The following EEPD1 variants were observed in gnomAD, a reference collection of about 807,000 sequenced individuals.
EEPD1 encodes endonuclease/exonuclease/phosphatase family domain containing 1, also known as endonuclease/exonuclease/phosphatase family domain-containing protein 1.
In EEPD1, 17 loss-of-function variants were observed where a neutral mutation model predicts 46.3. The ratio of observed to expected loss-of-function variants is 0.37; its 90% confidence interval spans 0.25 to 0.55. The LOEUF (loss-of-function observed/expected upper bound fraction) is 0.55, where lower values mean the gene tolerates loss of function less well. EEPD1 is among the 20% of genes least tolerant of loss of function. The probability of loss-of-function intolerance (pLI) is 0.83; values close to 1 mark genes in which losing one functional copy is unlikely to be tolerated. For synonymous variants in EEPD1, 313 were observed against 315.6 expected, an observed-to-expected ratio of 0.99 and a Z score of 0.09; for missense variants, 673 against 745.6, an observed-to-expected ratio of 0.90 and a Z score of 1.13.
At chr7:36,283,067 C>T (rs928439344) in intron 4 of EEPD1, among the ~76,000 whole-genome samples, 1 of 152,220 alleles carries the variant, frequency 6.6e-6, no homozygotes, top group Non-Finnish European at 1.5e-5. Context: ...ACACGATAGC[C>T]AGAGGGGTGG....
intron 3 of EEPD1, among the ~76,000 whole-genome samples, chr7:36,270,635 C>CT (rs1411320709): frequency 2.6e-5 from 4 of 152,224 alleles, no homozygotes; most frequent in Admixed American, 2.0e-4. Context: ...AGGACATGAA[C>CT]TCATCCTTTT....
chr7:36,245,883 G>A (rs1345346193), intron 3 of EEPD1, among the ~76,000 whole-genome samples: 1 of 152,216 alleles, frequency 6.6e-6, no homozygotes, highest in Non-Finnish European at 1.5e-5. Context: ...TTTGCTCTGA[G>A]AGTGGGACAC....
intron 3 of EEPD1, among the ~76,000 whole-genome samples, chr7:36,242,662 C>T (rs1786572557): frequency 6.6e-6 from 1 of 151,868 alleles, no homozygotes; most frequent in African/African-American, 2.4e-5. Context: ...GTGGCTTACA[C>T]CTGTAATCTC....
chr7:36,178,444 C>T (rs529692940), intron 2 of EEPD1, among the ~76,000 whole-genome samples: 1 of 152,354 alleles, frequency 6.6e-6, no homozygotes, highest in South Asian at 2.1e-4. Flanking sequence ...CACCTGGGCC[C>T]CTTCTTGGTC....
chr7:36,252,346 C>G (rs1786761700), intron 3 of EEPD1, among the ~76,000 whole-genome samples: 1 of 152,096 alleles, frequency 6.6e-6, no homozygotes, highest in African/African-American at 2.4e-5. Context: ...ATGCCCCGCC[C>G]CCCTCCATGT....
At chr7:36,270,074 C>T (rs1787080683) in intron 3 of EEPD1, among the ~76,000 whole-genome samples, 1 of 151,972 alleles carries the variant, frequency 6.6e-6, no homozygotes, top group Admixed American at 6.6e-5. Flanking sequence ...TAACATGGCA[C>T]AGTATAAGTG....
chr7:36,181,264 C>A (rs181106239), intron 2 of EEPD1, among the ~76,000 whole-genome samples: 1 of 152,042 alleles, frequency 6.6e-6, no homozygotes, highest in Admixed American at 6.5e-5. Flanking sequence ...TTTCCCCTCA[C>A]GTGCCTCTGT....
At chr7:36,168,741 G>C (rs1258395370) in intron 2 of EEPD1, among the ~76,000 whole-genome samples, 1 of 143,758 alleles carries the variant, frequency 7.0e-6, no homozygotes, top group Non-Finnish European at 1.5e-5. Context: ...CTGGGCGACA[G>C]AGCAAGACTC....
chr7:36,290,181 C>T (rs1374302916), intron 6 of EEPD1, among the ~76,000 whole-genome samples: 1 of 152,164 alleles, frequency 6.6e-6, no homozygotes, highest in Non-Finnish European at 1.5e-5. Context: ...AAGATGCCAG[C>T]TCATAACTTC....
chr7:36,177,599 A>G (rs1366157082), intron 2 of EEPD1, among the ~76,000 whole-genome samples: 1 of 151,948 alleles, frequency 6.6e-6, no homozygotes, highest in Non-Finnish European at 1.5e-5. Flanking sequence ...ACATGATTTC[A>G]TTTTTTTTAT....
chr7:36,219,679 A>G (rs941856883), intron 2 of EEPD1, among the ~76,000 whole-genome samples: 7 of 150,350 alleles, frequency 4.7e-5, no homozygotes, highest in African/African-American at 1.7e-4. Context: ...GAAGGAAAGA[A>G]GGAAAGAAGA....
intron 2 of EEPD1, among the ~76,000 whole-genome samples, chr7:36,184,658 G>T (rs1050180973): frequency 6.6e-6 from 1 of 152,130 alleles, no homozygotes; most frequent in Admixed American, 6.5e-5. Context: ...CCCCTTTTAA[G>T]AAAGCATCTT....
chr7:36,282,400 A>G (rs1252040326), intron 4 of EEPD1, among the ~76,000 whole-genome samples: 2 of 152,216 alleles, frequency 1.3e-5, no homozygotes, highest in African/African-American at 4.8e-5. Context: ...CCATGCCTGC[A>G]TGTTTTCACT....
At chr7:36,253,586 C>T (rs1786781349) in intron 3 of EEPD1, among the ~76,000 whole-genome samples, 1 of 152,018 alleles carries the variant, frequency 6.6e-6, no homozygotes, top group Non-Finnish European at 1.5e-5. Flanking sequence ...TACTTGAATT[C>T]TCTCAGTTTT....
intron 7 of EEPD1, among the ~76,000 whole-genome samples, chr7:36,298,059 C>G (rs1368583345): frequency 6.6e-6 from 1 of 152,184 alleles, no homozygotes. Context: ...CCTGCTTCTC[C>G]CCTCTCTCTT....
At chr7:36,181,977 C>T (rs1470483644) in intron 2 of EEPD1, among the ~76,000 whole-genome samples, 1 of 152,144 alleles carries the variant, frequency 6.6e-6, no homozygotes, top group Admixed American at 6.5e-5. Context: ...CCATCTGTTG[C>T]GTTTCTTACC....
At chr7:36,165,824 T>C (rs1784974451) in intron 2 of EEPD1, among the ~76,000 whole-genome samples, 1 of 152,030 alleles carries the variant, frequency 6.6e-6, no homozygotes, top group Admixed American at 6.6e-5. Context: ...CATAAATTGA[T>C]AGTTTGACTC....
At chr7:36,218,761 G>A (rs1380769206) in intron 2 of EEPD1, among the ~76,000 whole-genome samples, 1 of 152,080 alleles carries the variant, frequency 6.6e-6, no homozygotes, top group Admixed American at 6.5e-5. Context: ...CCCTCTTTTT[G>A]CTAAAAATAT....
chr7:36,298,665 T>C (rs1787564872), intron 7 of EEPD1, among the ~76,000 whole-genome samples: 1 of 152,186 alleles, frequency 6.6e-6, no homozygotes, highest in African/African-American at 2.4e-5. Context: ...TGGGATGTCT[T>C]TATGAGGCGT....
Sources: gnomAD v4.1 joint callset for allele counts (sites outside exome capture counted in the v4.1 genomes callset) on GRCh38, gnomAD v4.1.1 for gene constraint, MANE v1.5 for transcripts, NCBI Gene and HGNC (gene_info 2026-07-23, HGNC 2026-07-21) for gene names.